ITGA8: variants seen among roughly 807,000 people sequenced by gnomAD.
ITGA8 encodes integrin alpha-8.
A neutral mutation model predicts 142.3 loss-of-function variants in ITGA8; 91 were observed. The ratio of observed to expected loss-of-function variants is 0.64; its 90% CI spans 0.54 to 0.76. ITGA8 has a LOEUF of 0.76. Among genes scored for constraint, ITGA8 ranks in the 30% least tolerant of loss-of-function variants. ITGA8 has a pLI of 0.00. For synonymous variants in ITGA8, 505 were observed against 485.2 expected, an observed-to-expected ratio of 1.04 and a Z score of -0.54; for missense variants, 1,406 against 1,327.7, an observed-to-expected ratio of 1.06 and a Z score of -0.92.
chr10:15,614,632 T>C (rs1564375382), intron 14 of ITGA8, among the ~76,000 whole-genome samples: 1 of 152,126 alleles, frequency 6.6e-6, no homozygotes, highest in African/African-American at 2.4e-5. Flanking sequence ...GGTTCCAAGA[T>C]ATGATCGTTG....
chr10:15,532,439 A>AG (rs1483158006), intron 27 of ITGA8, among the ~76,000 whole-genome samples: 5 of 149,500 alleles, frequency 3.3e-5, no homozygotes, highest in Admixed American at 6.7e-5. Context: ...AAAAAAAAAA[A>AG]AAAAAAAGCC....
chr10:15,592,129 CT>C, intron 22 of ITGA8, 95 bp downstream of exon 22: 1 of 774,736 alleles, frequency 1.3e-6, no homozygotes, highest in East Asian at 2.7e-5. Context: ...TTCAGGTGAG[CT>C]TTTAAGGCCA....
chr10:15,656,023 T>A (rs1185778330), intron 10 of ITGA8, among the ~76,000 whole-genome samples: 3 of 151,906 alleles, frequency 2.0e-5, no homozygotes, highest in Non-Finnish European at 4.4e-5. Context: ...AGGTCAAGGC[T>A]GCAGTGATCT....
chr10:15,641,123 G>A (rs938337658), intron 13 of ITGA8, among the ~76,000 whole-genome samples: 5 of 152,052 alleles, frequency 3.3e-5, no homozygotes, highest in Admixed American at 6.6e-5. Flanking sequence ...GCGCGATATC[G>A]GCTCACTGCA....
rs35880999 is a variant in ITGA8, at chr10:15,644,495, ATTT to A, written c.1208-277_1208-275del. Reference sequence around the variant, plus strand: ...ATATATATATATATATATATATAGAATTTTTTTTTTTTTTTGAGCAATGGGTCC... The same window carrying A: ...ATATATATATATATATATATATAGAATTTTTTTTTTTTGAGCAATGGGTCC... On this transcript the variant is annotated intron_variant, in intron 12 of 29. Coordinates refer to ENST00000378076, the MANE Select transcript of ITGA8 (RefSeq NM_003638.3). Among the ~76,000 whole-genome samples the A allele has an allele frequency of 3.7e-3, 164 of 44,912 alleles. 11 individuals are homozygous for A. Among genetic ancestry groups the A allele is most frequent in the African/African-American group, 0.013 (147 of 11,122 alleles). The allele number at this position is 44,912 out of a possible 152,430, so 29.5% of individuals were successfully genotyped here.
chr10:15,672,253 T>C (rs2131686918), intron 7 of ITGA8, among the ~76,000 whole-genome samples: 1 of 152,316 alleles, frequency 6.6e-6, no homozygotes, highest in African/African-American at 2.4e-5. Flanking sequence ...TTGTGCATAA[T>C]ATAATTTGAG....
chr10:15,623,869 C>T (rs907200977), intron 13 of ITGA8, among the ~76,000 whole-genome samples: 1 of 152,120 alleles, frequency 6.6e-6, no homozygotes, highest in African/African-American at 2.4e-5. Flanking sequence ...TGTAGCCAAG[C>T]CTGACCTGTC....
At chr10:15,538,465 T>TTG (rs1833496783) in intron 27 of ITGA8, among the ~76,000 whole-genome samples, 2 of 140,252 alleles carry the variant, frequency 1.4e-5, no homozygotes, top group Non-Finnish European at 3.0e-5. Context: ...TGAGCTGAGA[T>TTG]CATGCCACTG....
intron 12 of ITGA8, among the ~76,000 whole-genome samples, chr10:15,645,714 C>T (rs1424135463): frequency 1.3e-5 from 2 of 152,152 alleles, no homozygotes; most frequent in African/African-American, 4.8e-5. Context: ...CTGTTACTTC[C>T]TTGAGTTCAA....
intron 7 of ITGA8, among the ~76,000 whole-genome samples, chr10:15,671,930 G>T (rs115368016): frequency 0.017 from 2,441 of 144,514 alleles, 27 homozygotes; most frequent in African/African-American, 0.03. Context: ...AATTTTAAAA[G>T]CATGGATACT....
At chr10:15,612,712 C>T (rs1229773003) in intron 15 of ITGA8, among the ~76,000 whole-genome samples, 2 of 152,194 alleles carry the variant, frequency 1.3e-5, no homozygotes, top group Non-Finnish European at 2.9e-5. Flanking sequence ...AATTCAATCG[C>T]TATTCTTAAT....
At chr10:15,521,956 G>A (rs566744514) in intron 28 of ITGA8, among the ~76,000 whole-genome samples, 1 of 152,200 alleles carries the variant, frequency 6.6e-6, no homozygotes, top group Non-Finnish European at 1.5e-5. Context: ...GGCAAAGAGT[G>A]GGGAGGGCTG....
chr10:15,667,204 T>C (rs1000758797), intron 8 of ITGA8, among the ~76,000 whole-genome samples: 13 of 152,236 alleles, frequency 8.5e-5, no homozygotes, highest in Admixed American at 8.5e-4. Context: ...GAGCCTGTTA[T>C]TGGTCTATTC....
intron 20 of ITGA8, among the ~76,000 whole-genome samples, chr10:15,601,842 A>G (rs1357397363): frequency 6.6e-6 from 1 of 152,236 alleles, no homozygotes; most frequent in Non-Finnish European, 1.5e-5. Context: ...AAAATCTTGA[A>G]CTGAGTTGAA....
Position 15,629,372 on chromosome 10 carries a change from T to C in ITGA8, c.1400-12813A>G, listed in dbSNP as rs991234443. 2.0e-5 allele frequency among the ~76,000 whole-genome samples: 3 copies of C among 152,016 alleles called. 1 individual carries two copies. Among genetic ancestry groups the C allele is most frequent in the African/African-American group, 7.3e-5 (3 of 41,282 alleles). ...AATGTAAATTGATAGCATATCTTTATAAGTGCAGTCACCCCCACTGCCCAT... is the reference window on the plus strand; with the variant it reads ...AATGTAAATTGATAGCATATCTTTACAAGTGCAGTCACCCCCACTGCCCAT... On this transcript the variant is annotated intron_variant, in intron 13 of 29. Transcript: ENST00000378076.
chr10:15,604,275 T>C lies in ITGA8; in HGVS notation c.2051A>G (p.Tyr684Cys), dbSNP rs1376825564. The C allele has an allele frequency of 1.9e-6, 3 of 1,613,484 alleles. No individual in the cohort carries two copies. Among genetic ancestry groups the C allele is most frequent in the Non-Finnish European group, 2.5e-6 (3 of 1,179,504 alleles). ...INARNEGEGA[Y>C]EAELFVMIPE... ...TATCATTACAAAGAGTTCAGCTTCA[T>C]ATGCTCCTTCCCCTTCATTTCTTGC... The change falls in exon 20 of 30, where the codon TAT (tyrosine) becomes TGT (cysteine). Residue 684 changes from tyrosine (Y) to cysteine (C), a missense_variant. By Grantham distance (194) the Tyr-to-Cys change is radical. Coordinates refer to ENST00000378076, the MANE Select transcript of ITGA8 (RefSeq NM_003638.3).
intron 11 of ITGA8, among the ~76,000 whole-genome samples, chr10:15,652,240 T>C (rs777775924): frequency 6.6e-6 from 1 of 152,190 alleles, no homozygotes; most frequent in Non-Finnish European, 1.5e-5. Context: ...TGCTATAGAC[T>C]AGAATGCGCA....
chr10:15,604,820 A>G (rs928034670), intron 19 of ITGA8, among the ~76,000 whole-genome samples: 30 of 152,260 alleles, frequency 2.0e-4, no homozygotes, highest in Admixed American at 1.9e-3. Context: ...TTAGAAAGTA[A>G]GAGGGATAGA....
chr10:15,651,609 C>A (rs189233148), intron 11 of ITGA8, among the ~76,000 whole-genome samples: 1 of 151,494 alleles, frequency 6.6e-6, no homozygotes, highest in Admixed American at 6.6e-5. Context: ...TCAAAGAATA[C>A]ATGTTTTCCA....
Sources: allele counts gnomAD v4.1 joint callset (sites outside exome capture counted in the v4.1 genomes callset), GRCh38; gene constraint gnomAD v4.1.1; transcripts MANE v1.5; gene names NCBI Gene and HGNC (gene_info 2026-07-23, HGNC 2026-07-21).